Variants in LMBRD1 observed in about 807,000 individuals in gnomAD.
LMBRD1 encodes the protein LMBR1 domain containing 1.
Under a neutral mutation model 74.8 loss-of-function variants are expected in LMBRD1, and 64 were observed. The ratio of observed to expected loss-of-function variants is 0.86; its 90% CI spans 0.70 to 1.05. The LOEUF is 1.05. LMBRD1 is among the 50% of genes least tolerant of loss of function. The pLI, the probability that LMBRD1 is intolerant of heterozygous loss-of-function variation, is 0.00. For synonymous variants in LMBRD1, 204 were observed against 216.3 expected (o/e 0.94, Z 0.50); for missense variants, 652 against 645.9 (o/e 1.01, Z -0.10).
chr6:69,724,413 A>G (rs1313430642), intron 7 of LMBRD1, among the ~76,000 whole-genome samples: 2 of 147,426 alleles, frequency 1.4e-5, no homozygotes, highest in African/African-American at 2.5e-5. Flanking sequence ...CCCCTACCAT[A>G]TATTAGCAAA....
intron 14 of LMBRD1, among the ~76,000 whole-genome samples, chr6:69,691,239 A>G (rs925071017): frequency 6.7e-6 from 1 of 150,274 alleles, no homozygotes; most frequent in African/African-American, 2.4e-5. Context: ...TAAATGTTGA[A>G]AAAAAAAAAA....
chr6:69,705,984 G>T, intron 9 of LMBRD1: 2 of 857,068 alleles, frequency 2.3e-6, no homozygotes, highest in Non-Finnish European at 3.9e-6. Flanking sequence ...CTGCTTCAAC[G>T]ATGTGTAATT....
intron 13 of LMBRD1, 99 bp downstream of exon 13, chr6:69,698,944 G>A (rs1049177827): frequency 2.6e-6 from 2 of 768,594 alleles, no homozygotes; most frequent in Non-Finnish European, 4.3e-6. Flanking sequence ...ATAATCTGAT[G>A]AGCTAATATC....
In LMBRD1 at chr6:69,675,326, T is replaced by C. The variant is rs1018718935; in HGVS notation, c.*832A>G. On this transcript the variant is annotated 3_prime_UTR_variant, in exon 16 of 16. Coordinates refer to ENST00000649934, the MANE Select transcript of LMBRD1 (RefSeq NM_018368.4). ...GAATGTGTTCAAAATACCCTACTGATGTCATACAGCTTTCATTACATCTTT... is the reference window on the plus strand; with the variant it reads ...GAATGTGTTCAAAATACCCTACTGACGTCATACAGCTTTCATTACATCTTT... Among the ~76,000 whole-genome samples the C allele has an allele frequency of 6.6e-6, 1 of 152,188 alleles. No individual in the cohort carries two copies. The highest frequency in any genetic ancestry group is 1.5e-5 in the Non-Finnish European group (1 of 68,028).
chr6:69,678,812 A>G (rs953734444), intron 14 of LMBRD1, among the ~76,000 whole-genome samples: 1 of 152,128 alleles, frequency 6.6e-6, no homozygotes, highest in Non-Finnish European at 1.5e-5. Context: ...AGCTTATTAC[A>G]TAAGGGATCT....
chr6:69,760,257 C>T (rs1171821407), intron 3 of LMBRD1, among the ~76,000 whole-genome samples: 1 of 152,096 alleles, frequency 6.6e-6, no homozygotes, highest in Non-Finnish European at 1.5e-5. Flanking sequence ...TAGTCATACA[C>T]AATGAAATTA....
chr6:69,704,092 C>T (rs1766196176), intron 9 of LMBRD1, among the ~76,000 whole-genome samples: 1 of 151,960 alleles, frequency 6.6e-6, no homozygotes, highest in African/African-American at 2.4e-5. Context: ...TCTATTTGCC[C>T]CATTACTGAT....
At chr6:69,789,343 C>A (rs1345046829) in intron 2 of LMBRD1, among the ~76,000 whole-genome samples, 1 of 151,964 alleles carries the variant, frequency 6.6e-6, no homozygotes, top group African/African-American at 2.4e-5. Flanking sequence ...GCCAACATGG[C>A]AAAACCCCAT....
At chr6:69,706,062 C>T (rs2149848099) in intron 9 of LMBRD1, 2 of 711,526 alleles carry the variant, frequency 2.8e-6, no homozygotes, top group East Asian at 5.7e-5. Flanking sequence ...CATCATTATC[C>T]ACCTTAAAGT....
chr6:69,740,127 A>C (rs968197470), intron 6 of LMBRD1, among the ~76,000 whole-genome samples: 1 of 152,122 alleles, frequency 6.6e-6, no homozygotes. Flanking sequence ...CAATCAATCA[A>C]TAAAAAGGTC....
At chr6:69,787,197 T>C (rs567885606) in intron 2 of LMBRD1, among the ~76,000 whole-genome samples, 2 of 152,314 alleles carry the variant, frequency 1.3e-5, no homozygotes, top group Admixed American at 6.5e-5. Flanking sequence ...GTAATAACTT[T>C]AGGAAAAACT....
intron 1 of LMBRD1, among the ~76,000 whole-genome samples, chr6:69,790,997 C>T (rs1020245333): frequency 3.3e-5 from 5 of 152,134 alleles, no homozygotes; most frequent in African/African-American, 1.2e-4. Context: ...TTTTAAAGAG[C>T]ATTAAACAAA....
chr6:69,754,299 G>GA (rs1013414436), intron 3 of LMBRD1, among the ~76,000 whole-genome samples: 3 of 152,020 alleles, frequency 2.0e-5, no homozygotes, highest in African/African-American at 7.3e-5. Flanking sequence ...AAAAAATACG[G>GA]AAAAAATGCA....
intron 2 of LMBRD1, among the ~76,000 whole-genome samples, chr6:69,787,332 A>C (rs1765974298): frequency 6.6e-6 from 1 of 152,224 alleles, no homozygotes; most frequent in East Asian, 1.9e-4. Flanking sequence ...GAGCCGCCCA[A>C]AATGAGAAGG....
chr6:69,741,837 T>C lies in LMBRD1; in HGVS notation c.514A>G (p.Thr172Ala), dbSNP rs1177189179. 6.2e-7 allele frequency: 1 copy of C among 1,607,304 alleles called. No homozygotes were observed. The highest frequency in any genetic ancestry group is 1.1e-5 in the South Asian group (1 of 90,882). The change falls in exon 6 of 16, where the codon ACA (threonine) becomes GCA (alanine). Residue 172 changes from threonine (T) to alanine (A), a missense_variant. By Grantham distance (58) the Thr-to-Ala change is moderately conservative. This residue lies in a region of LMBRD1 where 598 missense variants were observed against 581.8 expected (regional missense o/e 1.03). Transcript: ENST00000649934. ...AGGGACTTCACTTTTTCCCACTCTG[T>C]AGAATTTTTGTTATTGGGAACATTC... ...PLNVPNNKNS[T>A]EWEKVKSLFE...
chr6:69,740,240 C>T (rs970150920), intron 6 of LMBRD1, among the ~76,000 whole-genome samples: 1 of 152,062 alleles, frequency 6.6e-6, no homozygotes, highest in Non-Finnish European at 1.5e-5. Flanking sequence ...ACTTAGACAG[C>T]TCATCTAGAG....
intron 3 of LMBRD1, among the ~76,000 whole-genome samples, chr6:69,754,532 G>A (rs909049316): frequency 6.6e-6 from 1 of 152,188 alleles, no homozygotes; most frequent in Non-Finnish European, 1.5e-5. Flanking sequence ...CAAAATGTCT[G>A]TCAACATACT....
chr6:69,712,904 G>C (rs761897768), intron 9 of LMBRD1, among the ~76,000 whole-genome samples: 4 of 152,056 alleles, frequency 2.6e-5, no homozygotes, highest in Non-Finnish European at 5.9e-5. Flanking sequence ...GGAAAACATA[G>C]AAAGTTTTGG....
At chr6:69,731,328 G>T (rs1766853539) in intron 7 of LMBRD1, among the ~76,000 whole-genome samples, 1 of 151,978 alleles carries the variant, frequency 6.6e-6, no homozygotes, top group African/African-American at 2.4e-5. Context: ...GATATTCCTG[G>T]CATAAAGATA....
Sources: gnomAD v4.1 joint callset for allele counts (sites outside exome capture counted in the v4.1 genomes callset) on GRCh38, gnomAD v4.1.1 for gene constraint, gnomAD v4.1.1 regional missense constraint, MANE v1.5 for transcripts, NCBI Gene and HGNC (gene_info 2026-07-23, HGNC 2026-07-21) for gene names.